Variants in MTHFD2L observed in about 807,000 individuals in gnomAD.
MTHFD2L encodes the protein bifunctional methylenetetrahydrofolate dehydrogenase/cyclohydrolase 2, mitochondrial.
Under a neutral mutation model 34.9 loss-of-function variants are expected in MTHFD2L, and 29 were observed. The ratio of observed to expected loss-of-function variants is 0.83; its 90% CI spans 0.62 to 1.13. The LOEUF (loss-of-function observed/expected upper bound fraction) is 1.13, where lower values mean the gene tolerates loss of function less well. MTHFD2L is among the 50% of genes most tolerant of loss of function. The pLI is 0.00. For synonymous variants in MTHFD2L, 167 were observed against 155.7 expected (o/e 1.07, Z -0.54); for missense variants, 481 against 446.5 (o/e 1.08, Z -0.70).
chr4:74,161,164 ACATTTTAAAAAAATC>A (rs1329019952), intron 1 of MTHFD2L: 2 of 152,224 alleles, frequency 1.3e-5, no homozygotes, highest in Admixed American at 6.5e-5. Flanking sequence ...CAGCTAGACC[ACATTTTAAAAAAATC>A]TACATTTTTG....
chr4:74,245,646 G>C (rs1280112107), intron 6 of MTHFD2L, among the ~76,000 whole-genome samples: 1 of 151,372 alleles, frequency 6.6e-6, no homozygotes, highest in Non-Finnish European at 1.5e-5. Context: ...CCCCACAACA[G>C]TCCCCAGAGT....
chr4:74,149,811 A>C (rs1051016958), intron 1 of MTHFD2L, among the ~76,000 whole-genome samples: 3 of 152,146 alleles, frequency 2.0e-5, no homozygotes, highest in Non-Finnish European at 4.4e-5. Context: ...TGCTCCCCCC[A>C]AAAAATGTTT....
At chr4:74,217,026 A>T (rs1578502042) in intron 5 of MTHFD2L, among the ~76,000 whole-genome samples, 2 of 151,766 alleles carry the variant, frequency 1.3e-5, no homozygotes, top group African/African-American at 4.9e-5. Context: ...GCAAGACCTT[A>T]TATGATCTGT....
At chr4:74,171,177 T>C (rs1023189131) in intron 1 of MTHFD2L, among the ~76,000 whole-genome samples, 2 of 151,956 alleles carry the variant, frequency 1.3e-5, no homozygotes, top group African/African-American at 2.4e-5. Flanking sequence ...TACTAAACAA[T>C]GGGCAAAAGA....
chr4:74,152,668 CT>C (rs1238982314), intron 1 of MTHFD2L, among the ~76,000 whole-genome samples: 1 of 152,088 alleles, frequency 6.6e-6, no homozygotes, highest in Non-Finnish European at 1.5e-5. Flanking sequence ...AATGCTCTCC[CT>C]TCCCTTGTCT....
At chr4:74,118,562 G>A (rs541699304), upstream of MTHFD2L, among the ~76,000 whole-genome samples, 3 of 152,278 alleles carry the variant, frequency 2.0e-5, no homozygotes, top group South Asian at 6.2e-4. Flanking sequence ...CCTTTAAAGA[G>A]GTAGTTAAGA....
At chr4:74,208,929 C>CTGTTTTGGGGA (rs1735813774) in intron 5 of MTHFD2L, among the ~76,000 whole-genome samples, 2 of 152,112 alleles carry the variant, frequency 1.3e-5, no homozygotes, top group Admixed American at 6.5e-5. Context: ...ACAGAGGGTG[C>CTGTTTTGGGGA]TGTTTTGGGG....
intron 7 of MTHFD2L, among the ~76,000 whole-genome samples, chr4:74,286,974 T>A (rs966869015): frequency 6.6e-6 from 1 of 152,064 alleles, no homozygotes; most frequent in East Asian, 1.9e-4. Flanking sequence ...ATAAATGAGG[T>A]TAATGTTTAA....
At chr4:74,281,324 CGTGTGTGTGTGT>C (rs3832298) in intron 6 of MTHFD2L, 89 bp from the exon 7 acceptor site, 4 of 866,604 alleles carry the variant, frequency 4.6e-6, no homozygotes, top group Admixed American at 2.7e-5. Flanking sequence ...ATTACACATA[CGTGTGTGTGTGT>C]GTGTGTGTGT....
At chr4:74,210,475 C>A (rs1025696633) in intron 5 of MTHFD2L, among the ~76,000 whole-genome samples, 2 of 151,968 alleles carry the variant, frequency 1.3e-5, no homozygotes, top group Non-Finnish European at 2.9e-5. Flanking sequence ...TTTTTTGTGT[C>A]AGGTTTGTCA....
upstream of MTHFD2L, chr4:74,158,117 C>G (rs929017915): frequency 1.3e-6 from 2 of 1,529,920 alleles, no homozygotes; most frequent in Admixed American, 4.0e-5. Flanking sequence ...AGCCCCAGTC[C>G]GGAAGCCGGG....
intron 6 of MTHFD2L, chr4:74,242,116 A>T (rs1433874482): frequency 2.0e-5 from 3 of 152,214 alleles, no homozygotes; most frequent in African/African-American, 7.2e-5. Flanking sequence ...ATTGTATAGT[A>T]TCTTGTATTA....
chr4:74,297,686 G>A (rs1024307906), intron 7 of MTHFD2L, among the ~76,000 whole-genome samples: 8 of 152,052 alleles, frequency 5.3e-5, no homozygotes, highest in Admixed American at 2.6e-4. Context: ...TTATTCTGGT[G>A]ATGTAATGCT....
chr4:74,166,488 T>G (rs1013279774), intron 1 of MTHFD2L, among the ~76,000 whole-genome samples: 4 of 152,244 alleles, frequency 2.6e-5, no homozygotes, highest in African/African-American at 4.8e-5. Flanking sequence ...TTTGAAGAGA[T>G]AAGGTTTCTG....
intron 3 of MTHFD2L, among the ~76,000 whole-genome samples, chr4:74,175,893 A>G (rs1410800512): frequency 1.3e-5 from 2 of 152,078 alleles, no homozygotes; most frequent in African/African-American, 4.8e-5. Flanking sequence ...GCTCGTCAAA[A>G]GTAGTTGGAG....
chr4:74,143,772 G>C (rs1475725878), intron 1 of MTHFD2L, among the ~76,000 whole-genome samples: 1 of 152,094 alleles, frequency 6.6e-6, no homozygotes, highest in Non-Finnish European at 1.5e-5. Context: ...AGCCCTAGAA[G>C]AATATCTTAA....
intron 1 of MTHFD2L, among the ~76,000 whole-genome samples, chr4:74,147,682 T>G (rs994759181): frequency 2.0e-5 from 3 of 152,112 alleles, no homozygotes; most frequent in Non-Finnish European, 4.4e-5. Context: ...ACACTTGTTA[T>G]TTTGTTTGTT....
chr4:74,172,567 CT>C lies in MTHFD2L; in HGVS notation c.144-1935del, dbSNP rs149315814. On this transcript the variant is annotated intron_variant, in intron 1 of 7. Coordinates refer to ENST00000325278, the MANE Select transcript of MTHFD2L (RefSeq NM_001144978.3). ...AAATTATGATTGTTATTAAAATACA[CT>C]TTTATGGTAAACTAAAGTGGTTTTC... Among the ~76,000 whole-genome samples, 679 of 152,248 alleles carry C rather than the reference CT, an allele frequency of 4.5e-3. 5 individuals are homozygous for C. Among genetic ancestry groups the C allele is most frequent in the Non-Finnish European group, 5.8e-3 (394 of 68,014 alleles).
intron 6 of MTHFD2L, among the ~76,000 whole-genome samples, chr4:74,233,710 T>C (rs1163897642): frequency 6.6e-6 from 1 of 152,094 alleles, no homozygotes; most frequent in African/African-American, 2.4e-5. Context: ...TAGCCTCAAA[T>C]AAGCAAAAAC....
Sources: allele counts gnomAD v4.1 joint callset (sites outside exome capture counted in the v4.1 genomes callset), GRCh38; gene constraint gnomAD v4.1.1; transcripts MANE v1.5; gene names NCBI Gene and HGNC (gene_info 2026-07-23, HGNC 2026-07-21).